Variants in TANK observed in about 807,000 individuals in gnomAD.
TANK encodes TRAF family member associated NFKB activator.
Under a neutral mutation model 43.6 loss-of-function variants are expected in TANK, and 15 were observed. That is an observed-to-expected ratio of 0.34 (90% CI 0.23 to 0.53). TANK has a LOEUF of 0.53. Among genes scored for constraint, TANK ranks in the 20% least tolerant of loss-of-function variants. The pLI, the probability that TANK is intolerant of heterozygous loss-of-function variation, is 0.94. For missense variants in TANK, 417 were observed against 498.6 expected, an observed-to-expected ratio of 0.84 and a Z score of 1.56; for synonymous variants, 162 against 178.2, an observed-to-expected ratio of 0.91 and a Z score of 0.73.
At chr2:161,213,594 T>A (rs1055473263) in intron 4 of TANK, among the ~76,000 whole-genome samples, 4 of 147,224 alleles carry the variant, frequency 2.7e-5, no homozygotes, top group Non-Finnish European at 6.0e-5. Flanking sequence ...CGTGAGACTT[T>A]GTCTCAAAAA....
At position 161,199,177 on chromosome 2, in the gene TANK, C is replaced by A. The variant is rs577415222; in HGVS notation, c.100-4310C>A. On this transcript the variant is annotated intron_variant, in intron 2 of 7. Coordinates refer to ENST00000392749, the MANE Select transcript of TANK (RefSeq NM_001199135.3). Reference sequence around the variant, plus strand: ...GAGCATTTGTGGTAGCCACGCAAATCCTTTAGTAAATCTTTCATTCTCTTT... The same window carrying A: ...GAGCATTTGTGGTAGCCACGCAAATACTTTAGTAAATCTTTCATTCTCTTT... Among the ~76,000 whole-genome samples, 141 of 151,970 alleles carry A rather than the reference C, an allele frequency of 9.3e-4. 1 individual carries two copies. In the Middle Eastern group the frequency reaches 0.014, roughly 15 times the overall value.
At chr2:161,166,459 G>A (rs1259702450) in intron 1 of TANK, among the ~76,000 whole-genome samples, 1 of 152,188 alleles carries the variant, frequency 6.6e-6, no homozygotes, top group Non-Finnish European at 1.5e-5. Context: ...CTTCAGGTAA[G>A]GAAAACACAC....
At chr2:161,141,788 C>G (rs1683755932) in intron 1 of TANK, among the ~76,000 whole-genome samples, 1 of 152,136 alleles carries the variant, frequency 6.6e-6, no homozygotes, top group Non-Finnish European at 1.5e-5. Flanking sequence ...CTGCACGAAA[C>G]ATATGTGTGC....
intron 2 of TANK, chr2:161,200,514 C>T: frequency 1.0e-6 from 1 of 982,740 alleles, no homozygotes; most frequent in Non-Finnish European, 1.2e-6. Flanking sequence ...TGGTCTTTCC[C>T]TCTCATAGTC....
At chr2:161,171,689 C>CT (rs905470831) in intron 1 of TANK, among the ~76,000 whole-genome samples, 2 of 152,084 alleles carry the variant, frequency 1.3e-5, no homozygotes, top group African/African-American at 4.8e-5. Context: ...AATTTCAACT[C>CT]TTTTTTCATA....
chr2:161,172,498 T>C (rs1008216379), intron 1 of TANK, among the ~76,000 whole-genome samples: 1 of 152,062 alleles, frequency 6.6e-6, no homozygotes, highest in African/African-American at 2.4e-5. Context: ...TTTTTTCCTA[T>C]AGATAATTAT....
chr2:161,165,935 A>G (rs921655234), intron 1 of TANK, among the ~76,000 whole-genome samples: 1 of 152,238 alleles, frequency 6.6e-6, no homozygotes, highest in Admixed American at 6.5e-5. Context: ...TTAGTTGTGC[A>G]CTTAAACCCA....
chr2:161,212,975 G>A (rs1344607355), intron 4 of TANK, among the ~76,000 whole-genome samples: 1 of 152,218 alleles, frequency 6.6e-6, no homozygotes, highest in Non-Finnish European at 1.5e-5. Flanking sequence ...TTCCACTCAT[G>A]GCCGAAGGCA....
chr2:161,156,131 C>T, upstream of TANK: 1 of 985,198 alleles, frequency 1.0e-6, no homozygotes, highest in Non-Finnish European at 1.2e-6. Context: ...TTCTATTTAC[C>T]CCAATTTCTT....
At chr2:161,139,152 A>G (rs1683671435) in intron 1 of TANK, among the ~76,000 whole-genome samples, 1 of 152,170 alleles carries the variant, frequency 6.6e-6, no homozygotes, top group African/African-American at 2.4e-5. Context: ...AAAAAATACA[A>G]TTATGTATTA....
At chr2:161,145,756 T>A (rs1267063) in intron 1 of TANK, among the ~76,000 whole-genome samples, 37,702 of 151,846 alleles carry the variant, frequency 0.25, 5,189 homozygotes, top group East Asian at 0.39. Flanking sequence ...CCCTTAACAT[T>A]TTTTCCTTCA....
rs747422681 is a variant in TANK at position 161,179,745 on chromosome 2, A to G, written c.83A>G (p.Lys28Arg). The part of the protein sequence containing the change: ...QACMDRDSAV[K>R]ELQQKTENYE... ...TGCATGGATAGAGATTCTGCAGTAA[A>G]AGAATTACAGCAAAAGGTGTGTGGT... The change falls in exon 2 of 8, where the codon AAA becomes AGA. Residue 28 changes from lysine (K) to arginine (R), a missense_variant. Lys to Arg is a conservative substitution (Grantham distance 26). Transcript: ENST00000392749. 4 of 1,612,270 alleles carry G rather than the reference A, an allele frequency of 2.5e-6. No individual in the cohort carries two copies. In the Admixed American group the frequency reaches 5.0e-5, roughly 20 times the overall value.
intron 6 of TANK, among the ~76,000 whole-genome samples, chr2:161,226,616 T>C (rs1687628854): frequency 6.6e-6 from 1 of 152,180 alleles, no homozygotes; most frequent in Admixed American, 6.5e-5. Context: ...ATTTGATTTT[T>C]ACTTTTAAAT....
chr2:161,209,411 A>G (rs1043579072), intron 4 of TANK, among the ~76,000 whole-genome samples: 2 of 152,204 alleles, frequency 1.3e-5, no homozygotes, highest in Non-Finnish European at 1.5e-5. Context: ...CAAGTTTTGT[A>G]TTTGTGTAAC....
intron 2 of TANK, 70 bp from the exon 3 acceptor site, chr2:161,203,417 A>G: frequency 2.0e-6 from 2 of 1,025,416 alleles, no homozygotes; most frequent in Non-Finnish European, 2.9e-6. Context: ...TATTTATATT[A>G]TCAATGGATG....
intron 1 of TANK, among the ~76,000 whole-genome samples, chr2:161,176,834 G>A (rs1274583000): frequency 2.0e-5 from 3 of 152,044 alleles, no homozygotes; most frequent in Non-Finnish European, 4.4e-5. Context: ...TACAGGTGTG[G>A]TTTATATTGA....
intron 3 of TANK, 36 bp downstream of exon 3, chr2:161,203,631 C>A (rs951320497): frequency 7.3e-7 from 1 of 1,378,708 alleles, no homozygotes; most frequent in Non-Finnish European, 1.0e-6. Context: ...ATTTCTAGAA[C>A]CTCTTGGTGA....
Position 161,231,165 on chromosome 2 carries a change from A to G in TANK, c.715A>G (p.Met239Val), listed in dbSNP as rs578059105. The part of the protein sequence containing the change: ...LSKFNVKFPP[M>V]DNDSTFLHST... ...TAAATTCAATGTCAAGTTTCCACCT[A>G]TGGACAATGACTCAACTTTCTTACA... The change falls in exon 7 of 8, where the codon ATG (methionine) becomes GTG (valine). Residue 239 changes from methionine (M) to valine (V), a missense_variant. Physicochemically the swap from Met to Val is conservative, Grantham distance 21. Coordinates refer to ENST00000392749, the MANE Select transcript of TANK (RefSeq NM_001199135.3). 1.9e-6 allele frequency: 3 copies of G among 1,614,038 alleles called. No homozygotes were observed. In the Admixed American group the frequency reaches 5.0e-5, roughly 27 times the overall value.
upstream of TANK, among the ~76,000 whole-genome samples, chr2:161,155,452 A>G (rs1395554957): frequency 6.6e-6 from 1 of 152,192 alleles, no homozygotes; most frequent in Non-Finnish European, 1.5e-5. Context: ...TCCTTCTCGA[A>G]TAAGGGAAGC....
Sources: allele counts gnomAD v4.1 joint callset (sites outside exome capture counted in the v4.1 genomes callset), GRCh38; gene constraint gnomAD v4.1.1; transcripts MANE v1.5; gene names NCBI Gene and HGNC (gene_info 2026-07-23, HGNC 2026-07-21).